THUMPD2: variants seen among roughly 807,000 people sequenced by gnomAD.
THUMPD2 encodes THUMP domain 2 tRNA and snRNA guanosine methyltransferase.
In THUMPD2, 56 loss-of-function variants were observed where a neutral mutation model predicts 49.4. The ratio of observed to expected loss-of-function variants is 1.13; its 90% confidence interval spans 0.91 to 1.41. The LOEUF is 1.41. Among genes scored for constraint, THUMPD2 ranks in the 40% most tolerant of loss-of-function variants. The probability of loss-of-function intolerance (pLI) is 0.00; values close to 1 mark genes in which losing one functional copy is unlikely to be tolerated. For synonymous variants in THUMPD2, 237 were observed against 205.2 expected (o/e 1.15, Z -1.32); for missense variants, 709 against 594.5 (o/e 1.19, Z -2.00).
Position 39,769,847 on chromosome 2 carries a change from T to A in THUMPD2, c.535A>T (p.Thr179Ser), listed in dbSNP as rs561396767. Residue 179 changes from threonine to serine, a missense_variant, in exon 3 of 10, where the codon ACT (threonine) becomes TCT (serine). Transcript: ENST00000505747. ...EETLEQRDFT[T>S]KSEKFQEEEF... is the part of the protein sequence containing the mutation. ...TCTTCTTGAAACTTTTCGCTTTTAG[T>A]GGTAAAATCTCTTTGCTCCAGAGTT... The A allele has an allele frequency of 1.9e-6, 3 of 1,612,606 alleles. No homozygotes were observed. Among genetic ancestry groups the A allele is most frequent in the Middle Eastern group, 3.3e-4 (2 of 6,044 alleles).
At chr2:39,769,127 T>C (rs1327762638) in intron 3 of THUMPD2, 7 of 1,289,122 alleles carry the variant, frequency 5.4e-6, no homozygotes, top group Non-Finnish European at 6.1e-6. Context: ...AGCACAAAGC[T>C]GAACTGAAGA....
chr2:39,755,966 G>T lies in THUMPD2; in HGVS notation c.892-6C>A, dbSNP rs777662131. On this transcript the variant is annotated splice_region_variant and splice_polypyrimidine_tract_variant and intron_variant, in intron 6 of 9. Transcript: ENST00000505747. ...TCTAAAACAAATGCACCAGCCTGCA[G>T]ACAGAAATATTAATTTGGTATTATT... The T allele has an allele frequency of 6.2e-7, 1 of 1,613,192 alleles. No individual in the cohort carries two copies. The highest frequency in any genetic ancestry group is 8.5e-7 in the Non-Finnish European group (1 of 1,179,386).
At chr2:39,768,811 A>T in intron 3 of THUMPD2, 2 of 1,000,148 alleles carry the variant, frequency 2.0e-6, no homozygotes, top group Non-Finnish European at 2.7e-6. Context: ...TCTGGGTTTC[A>T]GGAAATAGAT....
chr2:39,738,708 A>ATT (rs1245968245), intron 9 of THUMPD2, among the ~76,000 whole-genome samples: 1 of 149,024 alleles, frequency 6.7e-6, no homozygotes, highest in African/African-American at 2.4e-5. Flanking sequence ...TTATATATAT[A>ATT]TGTAAAATAA....
At chr2:39,768,996 G>C (rs1201698202) in intron 3 of THUMPD2, 2 of 1,304,498 alleles carry the variant, frequency 1.5e-6, no homozygotes, top group African/African-American at 3.0e-5. Context: ...ATGAGGTCTG[G>C]TGATGGCAAC....
Position 39,770,131 on chromosome 2 carries a change from A to C in THUMPD2, c.263-12T>G. 6.9e-7 allele frequency: 1 copy of C among 1,455,098 alleles called. No homozygotes were observed. The allele number at this position is 1,455,098 out of a possible 1,614,324, so 90.1% of individuals were successfully genotyped here. ...ATTAAATATTTTTCCTAAATAAGAAAAATCTTGTTGATCCTCTATTGAAGC... is the reference window on the plus strand; with the variant it reads ...ATTAAATATTTTTCCTAAATAAGAACAATCTTGTTGATCCTCTATTGAAGC... On this transcript the variant is annotated splice_polypyrimidine_tract_variant and intron_variant, in intron 2 of 9. Transcript: ENST00000505747.
intron 6 of THUMPD2, chr2:39,757,115 T>C: frequency 3.1e-6 from 1 of 317,992 alleles, no homozygotes; most frequent in South Asian, 2.6e-5. Flanking sequence ...TCTGTACTCT[T>C]ACAGGAATGA....
Position 39,764,941 on chromosome 2 carries a change from C to T in THUMPD2, c.803+1116G>A, listed in dbSNP as rs367871867. 9.9e-5 allele frequency among the ~76,000 whole-genome samples: 15 copies of T among 152,164 alleles called. No individual in the cohort carries two copies. The East Asian group carries it at 2.7e-3, about 27-fold the overall frequency. Reference sequence around the variant, plus strand: ...ACACTATCAATTATTATTTGAAATGCCATGGCATGACGTCTTGAATGTTTC... The same window carrying T: ...ACACTATCAATTATTATTTGAAATGTCATGGCATGACGTCTTGAATGTTTC... On this transcript the variant is annotated intron_variant, in intron 5 of 9. Coordinates refer to ENST00000505747, the MANE Select transcript of THUMPD2 (RefSeq NM_025264.5).
intron 9 of THUMPD2, among the ~76,000 whole-genome samples, chr2:39,738,994 C>A (rs1047561371): frequency 6.6e-6 from 1 of 152,152 alleles, no homozygotes; most frequent in African/African-American, 2.4e-5. Context: ...CTAGTCTAAT[C>A]CATCAGCAAA....
intron 3 of THUMPD2, chr2:39,769,170 G>A (rs1396965157): frequency 4.6e-6 from 5 of 1,096,868 alleles, no homozygotes; most frequent in Non-Finnish European, 4.8e-6. Context: ...ATGGTATCAG[G>A]ATTTCCAAAT....
At position 39,771,715 on chromosome 2, in the gene THUMPD2, C is replaced by T. The variant is rs1457508222; in HGVS notation, c.127-75G>A. ...CCATATTTTTTCCCTCAAGATATAG[C>T]ATCTAAATTAAAAATAAAAATAACC... On this transcript the variant is annotated intron_variant, in intron 1 of 9. Coordinates refer to ENST00000505747, the MANE Select transcript of THUMPD2 (RefSeq NM_025264.5). 2.1e-6 allele frequency: 3 copies of T among 1,409,396 alleles called. No homozygotes were observed. In the African/African-American group the frequency reaches 4.4e-5, roughly 21 times the overall value. The allele number at this position is 1,409,396 out of a possible 1,614,324, so 87.3% of individuals were successfully genotyped here.
chr2:39,757,464 C>A, intron 6 of THUMPD2: 2 of 1,230,636 alleles, frequency 1.6e-6, no homozygotes, highest in Non-Finnish European at 2.1e-6. Context: ...CATGAAGGGG[C>A]AGTAAGGAGC....
At chr2:39,769,682 C>T (rs745922086) in intron 3 of THUMPD2, 28 bp downstream of exon 3, 2 of 1,474,802 alleles carry the variant, frequency 1.4e-6, no homozygotes, top group Non-Finnish European at 8.9e-7. Flanking sequence ...GCCTGGGCGA[C>T]AGACTCCACT....
chr2:39,758,357 C>G (rs1188217907), intron 6 of THUMPD2, among the ~76,000 whole-genome samples: 1 of 152,188 alleles, frequency 6.6e-6, no homozygotes, highest in African/African-American at 2.4e-5. Flanking sequence ...CCTCCACTCT[C>G]AACTCTAAGC....
At chr2:39,744,641 C>T (rs1190837558) in intron 8 of THUMPD2, 163 bp from the exon 9 acceptor site, 1 of 470,978 alleles carries the variant, frequency 2.1e-6, no homozygotes, top group Non-Finnish European at 3.7e-6. Flanking sequence ...AATGCTTTCA[C>T]AATCACTAAT....
At chr2:39,749,547 G>C (rs924002806) in intron 8 of THUMPD2, among the ~76,000 whole-genome samples, 4 of 152,212 alleles carry the variant, frequency 2.6e-5, no homozygotes, top group Non-Finnish European at 5.9e-5. Context: ...TCAGTTGCAT[G>C]TGATAAATTG....
chr2:39,751,708 G>C (rs1229407868), intron 8 of THUMPD2, among the ~76,000 whole-genome samples: 1 of 120,284 alleles, frequency 8.3e-6, no homozygotes, highest in African/African-American at 3.2e-5. Flanking sequence ...TTTTTGAGAC[G>C]GAGTCTCGCC....
chr2:39,740,964 A>T (rs1673813002), intron 9 of THUMPD2, among the ~76,000 whole-genome samples: 1 of 152,126 alleles, frequency 6.6e-6, no homozygotes, highest in South Asian at 2.1e-4. Flanking sequence ...CTTCCACCCC[A>T]GCATCTTGAG....
At chr2:39,745,322 G>A (rs928079742) in intron 8 of THUMPD2, among the ~76,000 whole-genome samples, 17 of 152,034 alleles carry the variant, frequency 1.1e-4, no homozygotes, top group Admixed American at 6.5e-5. Context: ...TTGTAATCTC[G>A]GAAAGTCTAA....
Sources: allele counts gnomAD v4.1 joint callset (sites outside exome capture counted in the v4.1 genomes callset), GRCh38; gene constraint gnomAD v4.1.1; transcripts MANE v1.5; gene names NCBI Gene and HGNC (gene_info 2026-07-23, HGNC 2026-07-21).